Variants in C6orf118 observed in about 807,000 individuals in gnomAD.
C6orf118 encodes uncharacterized protein C6orf118.
C6orf118 carries 50 observed loss-of-function variants against 50.2 expected under a neutral mutation model. That is an observed-to-expected ratio of 1.00 (90% CI 0.79 to 1.26). The LOEUF is 1.26. Ranked by LOEUF, C6orf118 falls within the 50% of genes most tolerant of loss-of-function variation. The probability of loss-of-function intolerance (pLI) is 0.00; values close to 1 mark genes in which losing one functional copy is unlikely to be tolerated. For missense variants in C6orf118, 641 were observed against 578.7 expected (o/e 1.11, Z -1.10); for synonymous variants, 239 against 230.9 (o/e 1.03, Z -0.32).
At chr6:165,281,588 C>A in intron 8 of C6orf118, 52 bp downstream of exon 8, 2 of 1,476,570 alleles carry the variant, frequency 1.4e-6, no homozygotes, top group South Asian at 2.6e-5. Flanking sequence ...GACAAGCAGT[C>A]ACCAGAGGAA....
At chr6:165,283,794 T>C (rs1779816380) in intron 7 of C6orf118, among the ~76,000 whole-genome samples, 1 of 151,956 alleles carries the variant, frequency 6.6e-6, no homozygotes, top group Non-Finnish European at 1.5e-5. Context: ...CATCAACAAA[T>C]GAGACCTCAC....
intron 7 of C6orf118, 81 bp from the exon 8 acceptor site, chr6:165,281,774 G>A: frequency 8.1e-6 from 7 of 861,456 alleles, no homozygotes; most frequent in Non-Finnish European, 1.2e-5. Context: ...ACAAGATTAT[G>A]TGAATGATAT....
intron 7 of C6orf118, among the ~76,000 whole-genome samples, chr6:165,289,139 T>C (rs1294946777): frequency 7.0e-6 from 1 of 143,096 alleles, no homozygotes; most frequent in African/African-American, 2.6e-5. Flanking sequence ...TTTCTGTAAA[T>C]AAAGTTTTAT....
At chr6:165,296,256 T>G (rs1006363370) in intron 5 of C6orf118, among the ~76,000 whole-genome samples, 62 of 56,930 alleles carry the variant, frequency 1.1e-3, no homozygotes, top group East Asian at 9.9e-3. Flanking sequence ...TTTTGTTTTT[T>G]TTTTTTTTTT....
intron 7 of C6orf118, among the ~76,000 whole-genome samples, chr6:165,289,075 TTAAA>T (rs1304128943): frequency 2.6e-5 from 4 of 151,854 alleles, no homozygotes; most frequent in Non-Finnish European, 5.9e-5. Flanking sequence ...TCCTCTATAT[TTAAA>T]TAATTTTCTT....
chr6:165,301,764 G>GCA lies in C6orf118; in HGVS notation c.556_557dup (p.Tyr187AlafsTer47). ...TGCCTCTGGACCCGGCCTCCTGGTA[G>GCA]CACAGCACCTTCAAGTCGGGCAGCC... On this transcript the variant is annotated frameshift_variant, in exon 2 of 9. Coordinates refer to ENST00000230301, the MANE Select transcript of C6orf118 (RefSeq NM_144980.4). LOFTEE classifies it high-confidence loss of function. 1 of 1,614,100 alleles carries GCA rather than the reference G, an allele frequency of 6.2e-7. No homozygotes were observed. The highest frequency in any genetic ancestry group is 8.5e-7 in the Non-Finnish European group (1 of 1,180,010).
At chr6:165,280,276 G>A (rs1004412396) in intron 8 of C6orf118, among the ~76,000 whole-genome samples, 166 bp from the exon 9 acceptor site, 4 of 152,130 alleles carry the variant, frequency 2.6e-5, no homozygotes, top group Admixed American at 6.5e-5. Context: ...AGGGAGTTTT[G>A]GCCTTGAATG....
rs1780369595 is a variant in C6orf118 at position 165,297,975 on chromosome 6, A to G, written c.1061+2T>C. Reference sequence around the variant, plus strand: ...AGATCAGATCCGTCCCTCATGCCTCACCTATCATTCTGCTCCAGGGCTGCT... The same window carrying G: ...AGATCAGATCCGTCCCTCATGCCTCGCCTATCATTCTGCTCCAGGGCTGCT... On this transcript the variant is annotated splice_donor_variant, in intron 5 of 8. Coordinates refer to ENST00000230301, the MANE Select transcript of C6orf118 (RefSeq NM_144980.4). LOFTEE classifies it high-confidence loss of function. The G allele has an allele frequency of 6.2e-7, 1 of 1,613,668 alleles. No homozygotes were observed. Among genetic ancestry groups the G allele is most frequent in the Admixed American group, 1.7e-5 (1 of 59,994 alleles).
At position 165,279,941 on chromosome 6, in the gene C6orf118, A is replaced by G; in HGVS notation, c.*116T>C. 1 of 1,065,030 alleles carries G rather than the reference A, an allele frequency of 9.4e-7. No individual in the cohort carries two copies. Among genetic ancestry groups the G allele is most frequent in the Non-Finnish European group, 1.3e-6 (1 of 745,370 alleles). The allele number at this position is 1,065,030 out of a possible 1,614,324, so 66.0% of individuals were successfully genotyped here. ...ATATACCACATTAATTTTACTAGAG[A>G]TTAAAGCTGATGAAATGAAATGTAT... is the stretch of plus-strand genomic sequence containing the variant. On this transcript the variant is annotated 3_prime_UTR_variant, in exon 9 of 9. Transcript: ENST00000230301.
intron 7 of C6orf118, among the ~76,000 whole-genome samples, chr6:165,288,884 A>G (rs949083436): frequency 2.0e-4 from 31 of 152,152 alleles, no homozygotes; most frequent in Admixed American, 1.7e-3. Flanking sequence ...ACCATCGCAT[A>G]CATTTACCTG....
At chr6:165,306,639 A>G (rs1780747776) in intron 1 of C6orf118, among the ~76,000 whole-genome samples, 2 of 151,850 alleles carry the variant, frequency 1.3e-5, no homozygotes, top group South Asian at 4.2e-4. Flanking sequence ...AAAGCTCTAA[A>G]AGGCACCTTG....
intron 6 of C6orf118, 112 bp downstream of exon 6, chr6:165,293,301 A>G: frequency 1.0e-6 from 1 of 958,374 alleles, no homozygotes; most frequent in Non-Finnish European, 1.7e-6. Context: ...CAAAACTCAG[A>G]GGGAGCATCA....
intron 6 of C6orf118, among the ~76,000 whole-genome samples, chr6:165,292,294 G>A (rs376217173): frequency 2.6e-5 from 4 of 152,228 alleles, no homozygotes; most frequent in Non-Finnish European, 1.5e-5. Context: ...GGAGGAGCAG[G>A]CTCCTGAGAT....
At position 165,289,978 on chromosome 6, in the gene C6orf118, C is replaced by G. The variant is rs746937707; in HGVS notation, c.1210G>C (p.Asp404His). 1.2e-6 allele frequency: 2 copies of G among 1,611,160 alleles called. No individual in the cohort carries two copies. The highest frequency in any genetic ancestry group is 1.7e-6 in the Non-Finnish European group (2 of 1,178,364). Residue 404 changes from aspartate (D) to histidine (H), a missense_variant, in exon 7 of 9, where the codon GAT (aspartate) becomes CAT (histidine). Coordinates refer to ENST00000230301, the MANE Select transcript of C6orf118 (RefSeq NM_144980.4). The stretch of plus-strand genomic sequence containing the variant: ...TCTTTTTCCAGAGCTTGTATCTCAT[C>G]CCACTTACTGAGTATTTCACACCTC... The part of the protein sequence containing the change: ...KKRCEILSKW[D>H]EIQALEKEIK...
At chr6:165,293,497 G>C (rs1468552401) in intron 5 of C6orf118, 26 bp from the exon 6 acceptor site, 1 of 1,583,838 alleles carries the variant, frequency 6.3e-7, no homozygotes, top group Non-Finnish European at 8.7e-7. Context: ...AAACAATAGG[G>C]AAATATTAGA....
chr6:165,283,928 T>C (rs1316878476), intron 7 of C6orf118, among the ~76,000 whole-genome samples: 1 of 152,168 alleles, frequency 6.6e-6, no homozygotes, highest in Non-Finnish European at 1.5e-5. Flanking sequence ...CTCCTCCAAA[T>C]GATCTCAACA....
Position 165,302,023 on chromosome 6 carries a change from C to CCTG in C6orf118, c.296_298dup (p.Ala99dup), listed in dbSNP as rs568427910. The stretch of plus-strand genomic sequence containing the variant: ...GGCCTCCTTCATCCTCGCCACCTTC[C>CCTG]CTGCGGGCGGCTCTCCCACCTCAGA... On this transcript the variant is annotated inframe_insertion, in exon 2 of 9. Transcript: ENST00000230301. The CCTG allele has an allele frequency of 1.1e-4, 171 of 1,613,548 alleles. 3 individuals are homozygous for CCTG. In the South Asian group the frequency reaches 1.8e-3, roughly 17 times the overall value.
chr6:165,281,728 G>A (rs765910268), intron 7 of C6orf118, 35 bp from the exon 8 acceptor site: 10 of 1,284,362 alleles, frequency 7.8e-6, no homozygotes, highest in Non-Finnish European at 2.1e-6. Context: ...CAATATACTT[G>A]GTTAAAAATA....
rs752003382 is a variant in C6orf118, at chr6:165,301,811, A to ATCCAGGAGGGCCCCG, written c.496_510dup (p.Arg166_Gly170dup). 1.4e-5 allele frequency: 23 copies of ATCCAGGAGGGCCCCG among 1,613,752 alleles called. No individual in the cohort carries two copies. The highest frequency in any genetic ancestry group is 1.9e-5 in the Non-Finnish European group (22 of 1,179,976). On this transcript the variant is annotated inframe_insertion, in exon 2 of 9. Transcript: ENST00000230301. Reference sequence around the variant, plus strand: ...AGCCGGAGTTCTTCCCTCCTGCGCCATCCAGGAGGGCCCCGTCCAGGAGGG... The same window carrying ATCCAGGAGGGCCCCG: ...AGCCGGAGTTCTTCCCTCCTGCGCCATCCAGGAGGGCCCCGTCCAGGAGGGCCCCGTCCAGGAGGG...
Sources: gnomAD v4.1 joint callset for allele counts (sites outside exome capture counted in the v4.1 genomes callset) on GRCh38, gnomAD v4.1.1 for gene constraint, MANE v1.5 for transcripts, NCBI Gene and HGNC (gene_info 2026-07-23, HGNC 2026-07-21) for gene names.